MYH7B: variants seen among roughly 807,000 people sequenced by gnomAD.
MYH7B encodes the protein myosin-7B.
MYH7B carries 205 observed loss-of-function variants against 234.5 expected under a neutral mutation model. The ratio of observed to expected loss-of-function variants is 0.87; its 90% CI spans 0.78 to 0.98. The LOEUF (loss-of-function observed/expected upper bound fraction) is 0.98. Among genes scored for constraint, MYH7B ranks in the 50% least tolerant of loss-of-function variants. The pLI, the probability that MYH7B is intolerant of heterozygous loss-of-function variation, is 0.00. For missense variants in MYH7B, 2,652 were observed against 2,633.4 expected (o/e 1.01, Z -0.15); for synonymous variants, 1,193 against 1,105.0 (o/e 1.08, Z -1.58).
Position 34,996,652 on chromosome 20 carries a change from G to C in MYH7B, c.3160G>C (p.Asp1054His), listed in dbSNP as rs767204775. The change falls in exon 30 of 45, where the codon GAC (aspartate) becomes CAC (histidine). Residue 1054 changes from aspartate to histidine, a missense_variant. By Grantham distance (81) the Asp-to-His change is moderately conservative (BLOSUM62 -1). Transcript: ENST00000262873. Reference sequence around the variant, plus strand: ...GGAGCAGGAGAAGAAGCTGCGCATGGACACGGAGCGGGCCAAGCGCAAGCT... The same window carrying C: ...GGAGCAGGAGAAGAAGCTGCGCATGCACACGGAGCGGGCCAAGCGCAAGCT... 5.1e-5 allele frequency: 82 copies of C among 1,613,240 alleles called. No individual in the cohort carries two copies. Among genetic ancestry groups the C allele is most frequent in the Non-Finnish European group, 4.0e-5 (47 of 1,179,904 alleles).
chr20:34,990,251 G>C (rs774967543), exon 22 of MYH7B: 1 of 1,614,008 alleles, frequency 6.2e-7, no homozygotes, highest in East Asian at 2.2e-5. Flanking sequence ...CCCCAAGTCT[G>C]GGGTGAAAGA....
intron 25 of MYH7B, 44 bp from the exon 26 acceptor site, chr20:34,993,290 G>T: frequency 1.2e-6 from 2 of 1,613,988 alleles, no homozygotes; most frequent in Non-Finnish European, 1.7e-6. Context: ...GGGTTCATGC[G>T]GATGGTTGGG....
At position 34,988,248 on chromosome 20, in the gene MYH7B, G is replaced by A. The variant is rs780052739; in HGVS notation, c.1573G>A (p.Asp525Asn). The A allele has an allele frequency of 7.4e-6, 12 of 1,612,804 alleles. No homozygotes were observed. Among genetic ancestry groups the A allele is most frequent in the Admixed American group, 1.7e-5 (1 of 59,958 alleles). The change falls in exon 19 of 45, where the codon GAC becomes AAC. Residue 525 changes from aspartate to asparagine, a missense_variant. Asp to Asn is a conservative substitution (Grantham distance 23). This residue lies in a region of MYH7B where 2,279 missense variants were observed against 2,211.4 expected (regional missense o/e 1.03). Transcript: ENST00000262873. ...CGGCCTTGACCTGCAGCCTTGCATC[G>A]ACCTCATCGAGAAGGTGGGTGCCGC...
At chr20:35,001,249 G>A (rs764879329) in exon 42 of MYH7B, 11 of 1,610,186 alleles carry the variant, frequency 6.8e-6, no homozygotes, top group South Asian at 3.3e-5. Flanking sequence ...CTGCAGGTAC[G>A]GGAGCTGGAG....
At chr20:34,995,562 A>C (rs759898684) in exon 28 of MYH7B, 17 of 1,614,082 alleles carry the variant, frequency 1.1e-5, no homozygotes, top group Non-Finnish European at 1.4e-5. Flanking sequence ...AAGGAGAAGC[A>C]AGCCACTGAG....
intron 1 of MYH7B, among the ~76,000 whole-genome samples, chr20:34,956,304 G>C (rs975365635): frequency 2.0e-5 from 3 of 152,134 alleles, no homozygotes; most frequent in African/African-American, 7.2e-5. Context: ...CAAAAGGAAA[G>C]GATTTTCATT....
intron 2 of MYH7B, among the ~76,000 whole-genome samples, chr20:34,968,063 A>G (rs2081759385): frequency 1.3e-5 from 2 of 152,234 alleles, no homozygotes; most frequent in South Asian, 2.1e-4. Flanking sequence ...CCATGGGCTG[A>G]GCACTTTGTT....
At chr20:35,001,659 C>T in intron 43 of MYH7B, 133 bp downstream of exon 43, 3 of 866,792 alleles carry the variant, frequency 3.5e-6, no homozygotes, top group Non-Finnish European at 5.4e-6. Flanking sequence ...AAGCTTCTAA[C>T]ATCTCTGGGG....
intron 18 of MYH7B, 54 bp downstream of exon 18, chr20:34,987,968 G>A: frequency 6.4e-7 from 1 of 1,558,660 alleles, no homozygotes; most frequent in Non-Finnish European, 8.7e-7. Flanking sequence ...GAGGACATGG[G>A]CCTGTGGGGG....
exon 8 of MYH7B, chr20:34,980,588 G>A (rs1343039700): frequency 3.1e-6 from 5 of 1,613,748 alleles, no homozygotes; most frequent in Admixed American, 3.3e-5. Context: ...ACCTACTCAG[G>A]CCTCTTCTGT....
rs193015486 is a variant in MYH7B, at chr20:34,984,037, C to T, written c.625-655C>T. Among the ~76,000 whole-genome samples, 679 of 152,300 alleles carry T rather than the reference C, an allele frequency of 4.5e-3. 3 individuals carry two copies. The highest frequency in any genetic ancestry group is 0.016 in the African/African-American group (651 of 41,572). On this transcript the variant is annotated intron_variant, in intron 10 of 44. Coordinates refer to ENST00000262873, the Ensembl canonical transcript of MYH7B. The stretch of plus-strand genomic sequence containing the variant: ...ACACAGGACCGCTGTGGCGTCCAGG[C>T]GGCAGGATGCTGGGCACCTGCCCTG...
chr20:34,979,457 T>C, exon 6 of MYH7B: 1 of 1,613,972 alleles, frequency 6.2e-7, no homozygotes, highest in Non-Finnish European at 8.5e-7. Context: ...AGTCGGAGGC[T>C]ACCGGGGGCA....
intron 6 of MYH7B, 47 bp from the exon 7 acceptor site, chr20:34,979,614 G>A (rs1279568970): frequency 6.2e-7 from 1 of 1,612,198 alleles, no homozygotes. Context: ...GGTGAGGTCG[G>A]TCGGTTCCTC....
intron 8 of MYH7B, 51 bp downstream of exon 8, chr20:34,980,785 G>C (rs377012586): frequency 6.3e-7 from 1 of 1,596,310 alleles, no homozygotes; most frequent in Non-Finnish European, 8.6e-7. Context: ...CCTCGGTCCC[G>C]GGAGGCCTCT....
At position 34,999,412 on chromosome 20, in the gene MYH7B, C is replaced by CCT; in HGVS notation, c.4540+8_4540+9dup. 6.6e-7 allele frequency: 1 copy of CCT among 1,509,728 alleles called. No individual in the cohort carries two copies. 93.5% of individuals were successfully genotyped at this position (1,509,728 alleles called of 1,614,324 possible). On this transcript the variant is annotated splice_region_variant and intron_variant, in intron 36 of 44. Coordinates refer to ENST00000262873, the Ensembl canonical transcript of MYH7B. ...GAGAACAAGAACCTGCAGGGTAGGA[C>CCT]CTGCCACACGCCAGGGCCAGGGTGC...
chr20:34,967,009 T>TCA (rs1212281124), intron 2 of MYH7B, among the ~76,000 whole-genome samples: 5 of 151,750 alleles, frequency 3.3e-5, no homozygotes, highest in African/African-American at 1.2e-4. Flanking sequence ...GGCGGGTGGA[T>TCA]CACGAGGTCA....
At position 34,987,791 on chromosome 20, in the gene MYH7B, C is replaced by G. The variant is rs372570780; in HGVS notation, c.1293C>G (p.Ala431=). The G allele has an allele frequency of 9.3e-6, 15 of 1,614,070 alleles. No individual in the cohort carries two copies. The highest frequency in any genetic ancestry group is 1.3e-5 in the Non-Finnish European group (15 of 1,180,034). Reference sequence around the variant, plus strand: ...TGGTGTTTGCTGTGGGGGCTCTGGCCAAGGCCACCTATGACCGGCTGTTCA... The same window carrying G: ...TGGTGTTTGCTGTGGGGGCTCTGGCGAAGGCCACCTATGACCGGCTGTTCA... Residue 431 remains alanine, a synonymous_variant, in exon 18 of 45, where the codon GCC becomes GCG. Transcript: ENST00000262873.
intron 9 of MYH7B, 69 bp downstream of exon 9, chr20:34,981,129 G>C: frequency 1.3e-6 from 2 of 1,587,840 alleles, no homozygotes; most frequent in Non-Finnish European, 1.7e-6. Context: ...CGGTACCACA[G>C]TCATTTCCCA....
chr20:34,977,550 C>A, intron 3 of MYH7B, 82 bp from the exon 4 acceptor site: 1 of 1,355,286 alleles, frequency 7.4e-7, no homozygotes, highest in Non-Finnish European at 1.0e-6. Flanking sequence ...AGGGAATTTG[C>A]CTTTTGTGTC....
Sources: allele counts gnomAD v4.1 joint callset (sites outside exome capture counted in the v4.1 genomes callset), GRCh38; gene constraint gnomAD v4.1.1; regional missense constraint gnomAD v4.1.1; transcripts MANE v1.5; gene names NCBI Gene and HGNC (gene_info 2026-07-23, HGNC 2026-07-21).